The following ADORA2B variants were observed in gnomAD, a reference collection of about 807,000 sequenced individuals.
ADORA2B encodes adenosine A2b receptor.
Under a neutral mutation model 20.8 loss-of-function variants are expected in ADORA2B, and 18 were observed. That is an observed-to-expected ratio of 0.87 (90% CI 0.60 to 1.29). The LOEUF is 1.29. Ranked by LOEUF, ADORA2B falls within the 50% of genes most tolerant of loss-of-function variation. ADORA2B has a pLI of 0.00. For synonymous variants in ADORA2B, 179 were observed against 178.3 expected (o/e 1.00, Z -0.03); for missense variants, 441 against 422.7 (o/e 1.04, Z -0.38).
chr17:15,901,385 A>T, the ADORA2B span, among the ~76,000 whole-genome samples: 1 of 151,720 alleles, frequency 6.6e-6, no homozygotes. Context: ...GAATCCTTGA[A>T]CCCAGGAGGT....
At chr17:15,918,167 G>A in the ADORA2B span, among the ~76,000 whole-genome samples, 6 of 152,160 alleles carry the variant, frequency 3.9e-5, no homozygotes, top group African/African-American at 1.4e-4. Flanking sequence ...GACAGAGGGA[G>A]CTGCTCCTGG....
chr17:15,951,742 CT>C (rs1438679226), intron 1 of ADORA2B, among the ~76,000 whole-genome samples: 2 of 152,236 alleles, frequency 1.3e-5, no homozygotes, highest in Non-Finnish European at 2.9e-5. Context: ...TAGAGTCAGC[CT>C]GACCTGGCTG....
the ADORA2B span, among the ~76,000 whole-genome samples, chr17:15,902,244 T>G: frequency 0.019 from 2,932 of 151,606 alleles, 76 homozygotes; most frequent in Admixed American, 0.045. Context: ...ACAGTCTCGC[T>G]CTGTCATTCC....
At chr17:15,878,156 A>C in the ADORA2B span, among the ~76,000 whole-genome samples, 1 of 144,378 alleles carries the variant, frequency 6.9e-6, no homozygotes, top group Admixed American at 7.1e-5. Context: ...GAGGTTCCAG[A>C]TATCCTTTGT....
chr17:15,875,278 T>A, the ADORA2B span, among the ~76,000 whole-genome samples: 1 of 152,196 alleles, frequency 6.6e-6, no homozygotes, highest in East Asian at 1.9e-4. Context: ...CTTGCTGATT[T>A]TTTTGGCATT....
chr17:15,974,576 T>A, intron 1 of ADORA2B, 103 bp from the exon 2 acceptor site: 1 of 1,030,026 alleles, frequency 9.7e-7, no homozygotes, highest in Non-Finnish European at 1.4e-6. Context: ...AGGTGAACTT[T>A]AGAGGTTGTT....
upstream of ADORA2B, among the ~76,000 whole-genome samples, chr17:15,941,580 T>G (rs2151588239): frequency 6.6e-6 from 1 of 152,020 alleles, no homozygotes; most frequent in South Asian, 2.1e-4. Context: ...CATTACAAAT[T>G]AACCAGGCAT....
the ADORA2B span, among the ~76,000 whole-genome samples, chr17:15,938,975 A>G: frequency 6.6e-6 from 1 of 152,218 alleles, no homozygotes; most frequent in Non-Finnish European, 1.5e-5. Context: ...CTCCGAATGT[A>G]TATCAAATAT....
chr17:15,881,489 G>A, the ADORA2B span, among the ~76,000 whole-genome samples: 1 of 152,178 alleles, frequency 6.6e-6, no homozygotes, highest in Non-Finnish European at 1.5e-5. Context: ...CATGAAGCAC[G>A]TTCACATGGT....
the ADORA2B span, among the ~76,000 whole-genome samples, chr17:15,855,076 T>C: frequency 6.6e-6 from 1 of 151,858 alleles, no homozygotes; most frequent in African/African-American, 2.4e-5. Context: ...ATTACAGGTC[T>C]GCACCACCAG....
At chr17:15,933,243 C>A in the ADORA2B span, among the ~76,000 whole-genome samples, 21 of 152,212 alleles carry the variant, frequency 1.4e-4, no homozygotes, top group Admixed American at 1.2e-3. Flanking sequence ...GCGTGAGCCA[C>A]TGCGCCTGGC....
intron 1 of ADORA2B, among the ~76,000 whole-genome samples, chr17:15,961,959 T>C (rs1275795902): frequency 2.0e-5 from 3 of 152,188 alleles, no homozygotes; most frequent in Non-Finnish European, 2.9e-5. Flanking sequence ...TTCTAACCCA[T>C]GAACTTCGGG....
At position 15,974,871 on chromosome 17, in the gene ADORA2B, G is replaced by A. The variant is rs766225449; in HGVS notation, c.528G>A (p.Val176=). The stretch of plus-strand genomic sequence containing the variant: ...TTGTGAAGTGTCTCTTTGAGAATGT[G>A]GTCCCCATGAGCTACATGGTATATT... ...CCLVKCLFEN[V]VPMSYMVYFN... Residue 176 remains valine, a synonymous_variant, in exon 2 of 2, where the codon GTG becomes GTA. Coordinates refer to ENST00000304222, the MANE Select transcript of ADORA2B (RefSeq NM_000676.4). 1 of 1,614,120 alleles carries A rather than the reference G, an allele frequency of 6.2e-7. No homozygotes were observed. Among genetic ancestry groups the A allele is most frequent in the Admixed American group, 1.7e-5 (1 of 60,018 alleles).
At chr17:15,917,159 T>C in the ADORA2B span, among the ~76,000 whole-genome samples, 1 of 152,178 alleles carries the variant, frequency 6.6e-6, no homozygotes, top group Non-Finnish European at 1.5e-5. Context: ...AAACTAAAAA[T>C]GAGCTGGGCG....
the ADORA2B span, among the ~76,000 whole-genome samples, chr17:15,924,135 T>G: frequency 6.6e-6 from 1 of 151,978 alleles, no homozygotes; most frequent in African/African-American, 2.4e-5. Context: ...CTGGTCTCGA[T>G]CTCCTGACCT....
the ADORA2B span, among the ~76,000 whole-genome samples, chr17:15,939,979 ATATT>A: frequency 1.3e-5 from 2 of 151,756 alleles, no homozygotes; most frequent in Non-Finnish European, 2.9e-5. Context: ...ATGTGCTTCT[ATATT>A]TATCATATAA....
chr17:15,899,607 C>G, the ADORA2B span, among the ~76,000 whole-genome samples: 1 of 152,182 alleles, frequency 6.6e-6, no homozygotes, highest in East Asian at 1.9e-4. Context: ...TCCATTCCCT[C>G]TCTTGTAGTC....
At chr17:15,918,597 G>C in the ADORA2B span, among the ~76,000 whole-genome samples, 10 of 152,068 alleles carry the variant, frequency 6.6e-5, no homozygotes, top group African/African-American at 2.4e-4. Flanking sequence ...TCAGCCTGTC[G>C]AGTAGCTGGG....
At chr17:15,935,085 G>A in the ADORA2B span, among the ~76,000 whole-genome samples, 1 of 152,170 alleles carries the variant, frequency 6.6e-6, no homozygotes, top group Non-Finnish European at 1.5e-5. Flanking sequence ...GGGATTACAT[G>A]TGTGAGCCAC....
Sources: allele counts gnomAD v4.1 joint callset (sites outside exome capture counted in the v4.1 genomes callset), GRCh38; gene constraint gnomAD v4.1.1; transcripts MANE v1.5; gene names NCBI Gene and HGNC (gene_info 2026-07-23, HGNC 2026-07-21).